Variants in CCDC80 observed in about 807,000 individuals in gnomAD.
CCDC80 encodes coiled-coil domain-containing protein 80.
In CCDC80, 49 loss-of-function variants were observed where a neutral mutation model predicts 78.7. The observed-to-expected ratio is 0.62, with a 90% CI of 0.50 to 0.79. The LOEUF (loss-of-function observed/expected upper bound fraction) is 0.79, where lower values mean the gene tolerates loss of function less well. CCDC80 is among the 30% of genes least tolerant of loss of function. CCDC80 has a pLI of 0.00. For missense variants in CCDC80, 1,205 were observed against 1,198.6 expected (o/e 1.01, Z -0.08); for synonymous variants, 488 against 447.0 (o/e 1.09, Z -1.16).
rs1226921014 is a variant in CCDC80 at position 112,604,349 on chromosome 3, C to A, written c.*1068G>T. 1 of 152,154 alleles carries A rather than the reference C, an allele frequency of 6.6e-6. No individual in the cohort carries two copies. Among genetic ancestry groups the A allele is most frequent in the Admixed American group, 6.5e-5 (1 of 15,272 alleles). The allele number at this position is 152,154 out of a possible 1,614,324, so 9.4% of individuals were successfully genotyped here. A position where few individuals can be genotyped will look rare whatever the true frequency, so the allele number is the denominator to read the frequency against. ...ATTGCTGTCTTATTTTAAGAAATTG[C>A]CACCATCACCCCCAACCTTCAGTAA... On this transcript the variant is annotated 3_prime_UTR_variant, in exon 8 of 8. Coordinates refer to ENST00000206423, the MANE Select transcript of CCDC80 (RefSeq NM_199511.3).
At chr3:112,625,966 A>T (rs973301051) in intron 3 of CCDC80, among the ~76,000 whole-genome samples, 1 of 152,184 alleles carries the variant, frequency 6.6e-6, no homozygotes, top group African/African-American at 2.4e-5. Context: ...CATTAAATCA[A>T]CCTACTTTTC....
chr3:112,625,478 T>A (rs924791728), intron 3 of CCDC80, among the ~76,000 whole-genome samples: 1 of 152,226 alleles, frequency 6.6e-6, no homozygotes, highest in Non-Finnish European at 1.5e-5. Context: ...GTATGTGTGA[T>A]ATATGTGTAA....
At chr3:112,610,404 A>G in intron 5 of CCDC80, 1 of 354,100 alleles carries the variant, frequency 2.8e-6, no homozygotes, top group Non-Finnish European at 5.4e-6. Flanking sequence ...AAAATTGTAC[A>G]TTAAACTGTA....
intron 3 of CCDC80, among the ~76,000 whole-genome samples, chr3:112,621,211 G>A (rs1461772814): frequency 2.0e-5 from 3 of 152,104 alleles, no homozygotes; most frequent in African/African-American, 4.8e-5. Flanking sequence ...TTGGCCAATG[G>A]GATATTAGCA....
chr3:112,608,686 G>A (rs1306630378), intron 6 of CCDC80, among the ~76,000 whole-genome samples: 2 of 152,118 alleles, frequency 1.3e-5, no homozygotes, highest in Non-Finnish European at 2.9e-5. Flanking sequence ...GGCCACATTG[G>A]TGGCTATAAA....
chr3:112,607,361 G>A, intron 6 of CCDC80, 105 bp from the exon 7 acceptor site: 1 of 767,302 alleles, frequency 1.3e-6, no homozygotes, highest in South Asian at 2.0e-5. Context: ...AATTTAAAAA[G>A]AATATAGAGC....
Position 112,601,767 on chromosome 3 carries a change from A to G in CCDC80, c.*3650T>C, listed in dbSNP as rs754548675. On this transcript the variant is annotated 3_prime_UTR_variant, in exon 8 of 8. Coordinates refer to ENST00000206423, the MANE Select transcript of CCDC80 (RefSeq NM_199511.3). ...AAAGTTTACTTTGATATGCCATATGATTGAAACAAATGCTCTTTTTTCAAA... is the reference window on the plus strand; with the variant it reads ...AAAGTTTACTTTGATATGCCATATGGTTGAAACAAATGCTCTTTTTTCAAA... 9.9e-5 allele frequency: 15 copies of G among 152,044 alleles called. No homozygotes were observed. Among genetic ancestry groups the G allele is most frequent in the Non-Finnish European group, 1.9e-4 (13 of 68,032 alleles). The allele number at this position is 152,044 out of a possible 1,614,324, so 9.4% of individuals were successfully genotyped here.
At chr3:112,620,847 C>T (rs1320867919) in intron 3 of CCDC80, among the ~76,000 whole-genome samples, 1 of 152,204 alleles carries the variant, frequency 6.6e-6, no homozygotes, top group Non-Finnish European at 1.5e-5. Context: ...TAATTCCCAA[C>T]ATACATTCAT....
In CCDC80 at chr3:112,604,181, CATTA is replaced by C. The variant is rs1285846419; in HGVS notation, c.*1232_*1235del. 1 of 152,226 alleles carries C rather than the reference CATTA, an allele frequency of 6.6e-6. No individual in the cohort carries two copies. Among genetic ancestry groups the C allele is most frequent in the African/African-American group, 2.4e-5 (1 of 41,454 alleles). 9.4% of individuals were successfully genotyped at this position (152,226 alleles called of 1,614,324 possible). A position where few individuals can be genotyped will look rare whatever the true frequency, so the allele number is the denominator to read the frequency against. ...AGGATTTACAACATTACATAAATTT[CATTA>C]ATAAAGCAGCAACAGGGTTTGAGAG... On this transcript the variant is annotated 3_prime_UTR_variant, in exon 8 of 8. Transcript: ENST00000206423.
rs1254302658 is a variant in CCDC80 at position 112,616,692 on chromosome 3, A to T, written c.2321+18T>A. The T allele has an allele frequency of 2.5e-6, 4 of 1,613,282 alleles. No individual in the cohort carries two copies. Among genetic ancestry groups the T allele is most frequent in the Non-Finnish European group, 2.5e-6 (3 of 1,179,764 alleles). ...CAAATTTGCACCTTCCTCTTTAGCG[A>T]CTCCAAAGGTGATGTACCTGGATAG... On this transcript the variant is annotated intron_variant, in intron 5 of 7. Coordinates refer to ENST00000206423, the MANE Select transcript of CCDC80 (RefSeq NM_199511.3).
chr3:112,630,198 G>A lies in CCDC80; in HGVS notation c.1950C>T (p.Cys650=). The A allele has an allele frequency of 6.2e-7, 1 of 1,613,874 alleles. No homozygotes were observed. The highest frequency in any genetic ancestry group is 1.3e-5 in the African/African-American group (1 of 75,024). Residue 650 remains cysteine, a synonymous_variant, in exon 3 of 8, where the codon TGC becomes TGT. Coordinates refer to ENST00000206423, the MANE Select transcript of CCDC80 (RefSeq NM_199511.3). ...QQRDEYLESF[C]KMATRKISVI... is the part of the protein sequence containing the mutation. ...CAGAGATTTTCCTGGTAGCCATCTTGCAGAAACTTTCCAGATATTCATCAC... is the reference window on the plus strand; with the variant it reads ...CAGAGATTTTCCTGGTAGCCATCTTACAGAAACTTTCCAGATATTCATCAC...
At chr3:112,632,671 T>TA (rs1256875854) in intron 2 of CCDC80, among the ~76,000 whole-genome samples, 3 of 152,190 alleles carry the variant, frequency 2.0e-5, no homozygotes, top group Non-Finnish European at 4.4e-5. Flanking sequence ...CACATAGCTC[T>TA]ATACACAGTG....
chr3:112,611,879 A>G (rs1935635818), intron 5 of CCDC80, among the ~76,000 whole-genome samples: 1 of 152,136 alleles, frequency 6.6e-6, no homozygotes, highest in African/African-American at 2.4e-5. Flanking sequence ...TCAGGAGTGA[A>G]CATGAGAGTT....
At chr3:112,628,710 T>G (rs2107489126) in intron 3 of CCDC80, among the ~76,000 whole-genome samples, 1 of 152,316 alleles carries the variant, frequency 6.6e-6, no homozygotes, top group African/African-American at 2.4e-5. Context: ...ATTCCTTTTT[T>G]GCTTGTTCTC....
rs1935364983 is a variant in CCDC80, at chr3:112,601,046, AGGGATGAGAT to A, written c.*4361_*4370del. On this transcript the variant is annotated 3_prime_UTR_variant, in exon 8 of 8. Transcript: ENST00000206423. ...GGAGGAAAGTGCTCCATCAAGGAAG[AGGGATGAGAT>A]GGGAGCATAATTCACACACTAAGAA... The A allele has an allele frequency of 6.6e-6, 1 of 152,222 alleles. No homozygotes were observed. The highest frequency in any genetic ancestry group is 1.5e-5 in the Non-Finnish European group (1 of 68,040). The allele number at this position is 152,222 out of a possible 1,614,324, so 9.4% of individuals were successfully genotyped here.
chr3:112,620,770 TAACTAATGTTCTG>T (rs1935847853), intron 3 of CCDC80, among the ~76,000 whole-genome samples: 1 of 152,228 alleles, frequency 6.6e-6, no homozygotes, highest in Non-Finnish European at 1.5e-5. Flanking sequence ...AAAATGTTCT[TAACTAATGTTCTG>T]ATTCTAAGAC....
rs1369810029 is a variant in CCDC80 at position 112,603,510 on chromosome 3, A to G, written c.*1907T>C. On this transcript the variant is annotated 3_prime_UTR_variant, in exon 8 of 8. Coordinates refer to ENST00000206423, the MANE Select transcript of CCDC80 (RefSeq NM_199511.3). ...AGCCTGGGTGACAGAGCGAGACTCCATCTCGAAAAAAATATATATATATAT... is the reference window on the plus strand; with the variant it reads ...AGCCTGGGTGACAGAGCGAGACTCCGTCTCGAAAAAAATATATATATATAT... 1 of 146,438 alleles carries G rather than the reference A, an allele frequency of 6.8e-6. No individual in the cohort carries two copies. Among genetic ancestry groups the G allele is most frequent in the African/African-American group, 2.5e-5 (1 of 40,330 alleles). The allele number at this position is 146,438 out of a possible 1,614,324, so 9.1% of individuals were successfully genotyped here. A position where few individuals can be genotyped will look rare whatever the true frequency, so the allele number is the denominator to read the frequency against.
At chr3:112,629,439 TCA>T (rs2107489787) in intron 3 of CCDC80, among the ~76,000 whole-genome samples, 1 of 152,318 alleles carries the variant, frequency 6.6e-6, no homozygotes, top group Admixed American at 6.5e-5. Context: ...GCTTAACTAA[TCA>T]CAGTAAATCT....
rs1935350197 is a variant in CCDC80 at position 112,600,242 on chromosome 3, C to G, written c.*5175G>C. 6.6e-6 allele frequency: 1 copy of G among 152,170 alleles called. No individual in the cohort carries two copies. Among genetic ancestry groups the G allele is most frequent in the African/African-American group, 2.4e-5 (1 of 41,452 alleles). The allele number at this position is 152,170 out of a possible 1,614,324, so 9.4% of individuals were successfully genotyped here. ...AATGTATTTTGGTCCTTTTGCTAAG[C>G]TATGTCTTATTTTATAGTCCTCCAA... On this transcript the variant is annotated 3_prime_UTR_variant, in exon 8 of 8. Coordinates refer to ENST00000206423, the MANE Select transcript of CCDC80 (RefSeq NM_199511.3).
Sources: gnomAD v4.1 joint callset for allele counts (sites outside exome capture counted in the v4.1 genomes callset) on GRCh38, gnomAD v4.1.1 for gene constraint, MANE v1.5 for transcripts, NCBI Gene and HGNC (gene_info 2026-07-23, HGNC 2026-07-21) for gene names.